Variants in PLSCR2 observed in about 807,000 individuals in gnomAD.
PLSCR2 encodes PL scramblase 2.
A neutral mutation model predicts 25.3 loss-of-function variants in PLSCR2; 18 were observed. The observed-to-expected ratio is 0.71, with a 90% CI of 0.49 to 1.06. PLSCR2 has a LOEUF of 1.06. Ranked by LOEUF, PLSCR2 falls within the 50% of genes least tolerant of loss-of-function variation. PLSCR2 has a pLI of 0.00. For synonymous variants in PLSCR2, 88 were observed against 87.3 expected, an observed-to-expected ratio of 1.01 and a Z score of -0.04; for missense variants, 243 against 269.5, an observed-to-expected ratio of 0.90 and a Z score of 0.69.
At chr3:146,473,202 A>G (rs1038499851) in intron 1 of PLSCR2, among the ~76,000 whole-genome samples, 1 of 150,846 alleles carries the variant, frequency 6.6e-6, no homozygotes, top group African/African-American at 2.4e-5. Flanking sequence ...CTGCTATATA[A>G]TCTCATCTTT....
At chr3:146,395,963 A>G in intron 2 of PLSCR2, 1 of 284,848 alleles carries the variant, frequency 3.5e-6, no homozygotes, top group Non-Finnish European at 6.9e-6. Flanking sequence ...AAAATCTGTG[A>G]GACAAAAAGT....
chr3:146,492,462 G>A (rs2043586794), intron 1 of PLSCR2, among the ~76,000 whole-genome samples: 2 of 152,034 alleles, frequency 1.3e-5, no homozygotes, highest in South Asian at 2.1e-4. Flanking sequence ...TTGGACTACA[G>A]TGCAATAAAA....
rs78446065 is a variant in PLSCR2 at position 146,467,882 on chromosome 3, G to C, written c.-292-7598C>G. On this transcript the variant is annotated intron_variant, in intron 1 of 8. Transcript: ENST00000336685. ...AGAAGTCCTAAGCTGCAGGAAACTG[G>C]GCTTATTCGGGAAATGAAAATTTAT... is the stretch of plus-strand genomic sequence containing the variant. 5.6e-3 allele frequency among the ~76,000 whole-genome samples: 857 copies of C among 152,110 alleles called. 14 individuals are homozygous for C. The highest frequency in any genetic ancestry group is 0.02 in the African/African-American group (822 of 41,500).
chr3:146,395,154 C>T (rs1667104029), intron 3 of PLSCR2, among the ~76,000 whole-genome samples: 1 of 151,994 alleles, frequency 6.6e-6, no homozygotes, highest in Non-Finnish European at 1.5e-5. Context: ...GGAACATAAC[C>T]TTAGAGGGAT....
In PLSCR2 at chr3:146,453,634, C is replaced by T. The variant is rs537423915; in HGVS notation, c.483+368G>A. Among the ~76,000 whole-genome samples, 27 of 152,128 alleles carry T rather than the reference C, an allele frequency of 1.8e-4. No homozygotes were observed. The South Asian group carries it at 5.6e-3, about 32-fold the overall frequency. Reference sequence around the variant, plus strand: ...TGGACATGGCCTGGAGCACTGGCAGCCTATATTTTAGATTAAGGAAGGATC... The same window carrying T: ...TGGACATGGCCTGGAGCACTGGCAGTCTATATTTTAGATTAAGGAAGGATC... On this transcript the variant is annotated intron_variant, in intron 5 of 6. Coordinates refer to ENST00000610787, the Ensembl canonical transcript of PLSCR2.
intron 1 of PLSCR2, among the ~76,000 whole-genome samples, chr3:146,488,129 G>A (rs1168517392): frequency 6.6e-6 from 1 of 152,052 alleles, no homozygotes; most frequent in African/African-American, 2.4e-5. Context: ...CTAGCCATAT[G>A]CAGAATATTG....
chr3:146,404,821 A>AAAAAGG (rs71158238), intron 2 of PLSCR2, among the ~76,000 whole-genome samples: 4 of 124,694 alleles, frequency 3.2e-5, no homozygotes, highest in Admixed American at 8.3e-5. Context: ...AAAAAAAAAA[A>AAAAAGG]GGGGGGGGGT....
intron 1 of PLSCR2, chr3:146,469,182 A>G (rs1450529786): frequency 8.1e-6 from 8 of 985,382 alleles, no homozygotes; most frequent in African/African-American, 3.5e-5. Context: ...TCCTGAGCCC[A>G]GACTCTGCCC....
chr3:146,392,833 G>A (rs528787262), intron 3 of PLSCR2, among the ~76,000 whole-genome samples: 88 of 136,850 alleles, frequency 6.4e-4, no homozygotes, highest in Non-Finnish European at 1.2e-3. Flanking sequence ...CCTTCATTAT[G>A]CTTCCTTGGG....
intron 2 of PLSCR2, 133 bp downstream of exon 2, chr3:146,459,715 G>A (rs1371270725): frequency 3.1e-6 from 2 of 647,226 alleles, no homozygotes; most frequent in Middle Eastern, 4.3e-4. Context: ...AGAATGTGCT[G>A]TTTACCATTT....
intron 1 of PLSCR2, among the ~76,000 whole-genome samples, chr3:146,473,414 TCTC>T (rs1296918999): frequency 6.6e-6 from 1 of 150,686 alleles, no homozygotes; most frequent in East Asian, 2.0e-4. Context: ...ATCAAGCAAT[TCTC>T]CTACCTCAGC....
upstream of PLSCR2, chr3:146,463,696 C>T (rs1254490135): frequency 5.1e-6 from 1 of 195,788 alleles, no homozygotes; most frequent in Non-Finnish European, 9.2e-6. Context: ...TGCCCTCCCA[C>T]TTCTCAGGCC....
chr3:146,481,916 A>T (rs1259584419), intron 1 of PLSCR2, among the ~76,000 whole-genome samples: 1 of 152,210 alleles, frequency 6.6e-6, no homozygotes, highest in Non-Finnish European at 1.5e-5. Context: ...AGGCTTCAGA[A>T]ATAACACCAC....
chr3:146,465,148 C>T (rs139730794), upstream of PLSCR2, among the ~76,000 whole-genome samples: 40 of 152,276 alleles, frequency 2.6e-4, no homozygotes, highest in Middle Eastern at 3.4e-3. Context: ...GTAACCTGAA[C>T]TAATCTACCG....
At chr3:146,421,697 T>C (rs1437974811) in intron 2 of PLSCR2, among the ~76,000 whole-genome samples, 1 of 152,046 alleles carries the variant, frequency 6.6e-6, no homozygotes, top group Non-Finnish European at 1.5e-5. Flanking sequence ...TTGAAGGTAA[T>C]TAGTTCTATG....
intron 1 of PLSCR2, among the ~76,000 whole-genome samples, chr3:146,467,286 C>T (rs570954083): frequency 6.6e-6 from 1 of 152,196 alleles, no homozygotes; most frequent in East Asian, 1.9e-4. Context: ...AACAAGTAAA[C>T]CAAGGAGACA....
At chr3:146,481,678 C>T (rs1012984478) in intron 1 of PLSCR2, among the ~76,000 whole-genome samples, 3 of 152,122 alleles carry the variant, frequency 2.0e-5, no homozygotes, top group Non-Finnish European at 2.9e-5. Context: ...AGATTCAATG[C>T]CATTCCCACC....
At chr3:146,423,621 A>C (rs973995583) in intron 2 of PLSCR2, among the ~76,000 whole-genome samples, 2 of 152,022 alleles carry the variant, frequency 1.3e-5, no homozygotes, top group African/African-American at 4.8e-5. Context: ...TGCACCTTAA[A>C]ATATTTTAGA....
At chr3:146,440,606 T>A (rs2040182445), downstream of PLSCR2, among the ~76,000 whole-genome samples, 1 of 152,154 alleles carries the variant, frequency 6.6e-6, no homozygotes, top group Non-Finnish European at 1.5e-5. Flanking sequence ...GGTGTGCCAT[T>A]TTCTCAGTTG....
Sources: allele counts gnomAD v4.1 joint callset (sites outside exome capture counted in the v4.1 genomes callset), GRCh38; gene constraint gnomAD v4.1.1; transcripts MANE v1.5; gene names NCBI Gene and HGNC (gene_info 2026-07-23, HGNC 2026-07-21).